OSBPL10: variants seen among roughly 807,000 people sequenced by gnomAD.
The protein encoded by OSBPL10 is oxysterol-binding protein-related protein 10.
Under a neutral mutation model 81.7 loss-of-function variants are expected in OSBPL10, and 49 were observed. That is an observed-to-expected ratio of 0.60 (90% CI 0.48 to 0.76). OSBPL10 has a LOEUF of 0.76. Among genes scored for constraint, OSBPL10 ranks in the 30% least tolerant of loss-of-function variants. The probability of loss-of-function intolerance (pLI) is 0.00; values close to 1 mark genes in which losing one functional copy is unlikely to be tolerated. For synonymous variants in OSBPL10, 419 were observed against 383.6 expected (o/e 1.09, Z -1.08); for missense variants, 923 against 987.8 (o/e 0.93, Z 0.88).
rs1409699948 is a variant in OSBPL10 at position 31,879,774 on chromosome 3, C to T, written c.338G>A (p.Ser113Asn). 5.0e-6 allele frequency: 8 copies of T among 1,614,200 alleles called. No individual in the cohort carries two copies. The highest frequency in any genetic ancestry group is 6.8e-6 in the Non-Finnish European group (8 of 1,180,042). ...GACTCCTCGAGGCTTCTGGTGTTTG[C>T]TTTGCTCATTCACAAAATACTGCAG... is the stretch of plus-strand genomic sequence containing the variant. ...GILQYFVNEQ[S>N]KHQKPRGVLS... is the part of the protein sequence containing the mutation. Residue 113 changes from serine (S) to asparagine (N), a missense_variant, in exon 2 of 12, where the codon AGC (serine) becomes AAC (asparagine). This residue lies in a region of OSBPL10 where 514 missense variants were observed against 508.0 expected (regional missense o/e 1.01). Transcript: ENST00000396556.
At chr3:32,074,115 G>A (rs919055423) in intron 1 of OSBPL10, among the ~76,000 whole-genome samples, 12 of 151,978 alleles carry the variant, frequency 7.9e-5, no homozygotes, top group African/African-American at 2.9e-4. Flanking sequence ...CAGGCCGACT[G>A]GGCTACCTCT....
chr3:31,689,646 C>G (rs549372163), intron 7 of OSBPL10, among the ~76,000 whole-genome samples: 1 of 152,240 alleles, frequency 6.6e-6, no homozygotes, highest in Non-Finnish European at 1.5e-5. Flanking sequence ...GTGGGTCTTT[C>G]TTGTGCTGTT....
At chr3:31,972,130 TGTAATCCCAG>T (rs1482072161) in intron 1 of OSBPL10, among the ~76,000 whole-genome samples, 4 of 152,258 alleles carry the variant, frequency 2.6e-5, no homozygotes, top group African/African-American at 9.6e-5. Context: ...GGCTCACGCC[TGTAATCCCAG>T]CACTTCGGGA....
chr3:31,869,840 A>G (rs1205548836), intron 3 of OSBPL10, among the ~76,000 whole-genome samples: 1 of 152,248 alleles, frequency 6.6e-6, no homozygotes, highest in African/African-American at 2.4e-5. Flanking sequence ...GAGTAACACA[A>G]TCATGGATGA....
intron 6 of OSBPL10, among the ~76,000 whole-genome samples, chr3:31,714,452 G>C (rs1696367445): frequency 1.3e-5 from 2 of 152,158 alleles, no homozygotes; most frequent in South Asian, 2.1e-4. Flanking sequence ...AAGCACGAGA[G>C]GCAGCGGGGT....
rs34795137 is a variant in OSBPL10 at position 31,809,869 on chromosome 3, C to CTTTTTTTTTTTTTTTTTTTTTTT, written c.729+20170_729+20171insAAAAAAAAAAAAAAAAAAAAAAA. Among the ~76,000 whole-genome samples, 43 of 98,614 alleles carry CTTTTTTTTTTTTTTTTTTTTTTT rather than the reference C, an allele frequency of 4.4e-4. 4 individuals carry two copies. The highest frequency in any genetic ancestry group is 2.2e-3 in the African/African-American group (41 of 18,420). The allele number at this position is 98,614 out of a possible 152,430, so 64.7% of individuals were successfully genotyped here. ...AAATGTCAATGGGTGCCCCCTGACT[C>CTTTTTTTTTTTTTTTTTTTTTTT]TTTTTTTTTTTTTTTTTTTGAGATG... On this transcript the variant is annotated intron_variant, in intron 4 of 11. Coordinates refer to ENST00000396556, the MANE Select transcript of OSBPL10 (RefSeq NM_017784.5).
chr3:31,959,839 TC>T (rs1698109884), intron 1 of OSBPL10, among the ~76,000 whole-genome samples: 1 of 152,158 alleles, frequency 6.6e-6, no homozygotes, highest in Non-Finnish European at 1.5e-5. Context: ...AGAATAATGC[TC>T]CATGAAAGAA....
At chr3:31,874,111 TC>T in intron 3 of OSBPL10, among the ~76,000 whole-genome samples, 1 of 144,222 alleles carries the variant, frequency 6.9e-6, no homozygotes. Context: ...ATCTTCAAAT[TC>T]TTTTTTTTTT....
chr3:31,809,165 C>G (rs77214452), intron 4 of OSBPL10, among the ~76,000 whole-genome samples: 2 of 152,094 alleles, frequency 1.3e-5, no homozygotes, highest in Non-Finnish European at 2.9e-5. Flanking sequence ...GATCAATATT[C>G]GCAACGGATG....
chr3:31,861,716 GACT>G (rs1027011243), intron 3 of OSBPL10, among the ~76,000 whole-genome samples: 5 of 152,134 alleles, frequency 3.3e-5, no homozygotes, highest in African/African-American at 1.2e-4. Context: ...GGTTAAAAGT[GACT>G]ACTATTTTAT....
intron 1 of OSBPL10, among the ~76,000 whole-genome samples, chr3:32,050,055 T>C (rs964570804): frequency 6.6e-6 from 1 of 152,204 alleles, no homozygotes; most frequent in Non-Finnish European, 1.5e-5. Flanking sequence ...GTGAATCTGG[T>C]GTAACAGCAG....
At chr3:31,728,751 A>T (rs2125655189) in intron 6 of OSBPL10, among the ~76,000 whole-genome samples, 1 of 152,284 alleles carries the variant, frequency 6.6e-6, no homozygotes, top group Non-Finnish European at 1.5e-5. Context: ...GACAGATTTG[A>T]TTATAAAGGG....
chr3:31,888,976 A>G (rs567090188), intron 1 of OSBPL10, among the ~76,000 whole-genome samples: 1 of 152,286 alleles, frequency 6.6e-6, no homozygotes, highest in Non-Finnish European at 1.5e-5. Flanking sequence ...ATCTGATTTT[A>G]AATTCATCAT....
At chr3:32,025,771 C>A (rs1699397934) in intron 2 of OSBPL10, among the ~76,000 whole-genome samples, 1 of 152,110 alleles carries the variant, frequency 6.6e-6, no homozygotes, top group African/African-American at 2.4e-5. Context: ...TCATAATATT[C>A]CCTTACAATT....
At chr3:31,727,646 C>G (rs978230049) in intron 6 of OSBPL10, among the ~76,000 whole-genome samples, 14 of 152,198 alleles carry the variant, frequency 9.2e-5, no homozygotes, top group African/African-American at 3.4e-4. Flanking sequence ...ACTCTTCAAA[C>G]TGTTGACCAC....
At chr3:31,965,606 A>G (rs539816716) in intron 1 of OSBPL10, among the ~76,000 whole-genome samples, 2 of 66,552 alleles carry the variant, frequency 3.0e-5, no homozygotes. Context: ...ATTATATAAT[A>G]TATTATATAA....
At chr3:32,043,250 G>A (rs544310029) in intron 2 of OSBPL10, among the ~76,000 whole-genome samples, 12 of 152,206 alleles carry the variant, frequency 7.9e-5, no homozygotes, top group South Asian at 4.1e-4. Context: ...CTACTTGCAC[G>A]TCCGTTTATA....
At chr3:31,990,122 A>G (rs1461787255) in intron 2 of OSBPL10, 6 of 1,611,590 alleles carry the variant, frequency 3.7e-6, no homozygotes, top group Non-Finnish European at 5.1e-6. Context: ...AAGGTTTGTG[A>G]AAAGGCTTTC....
Position 31,957,319 on chromosome 3 carries a change from T to TA in OSBPL10, c.281+23579dup, listed in dbSNP as rs1698037154. On this transcript the variant is annotated intron_variant, in intron 1 of 11. Coordinates refer to ENST00000396556, the MANE Select transcript of OSBPL10 (RefSeq NM_017784.5). ...CATTACCCACAACCTTTGACTCAGTTACGATAAATCCATCTCCCCTGAGCA... is the reference window on the plus strand; with the variant it reads ...CATTACCCACAACCTTTGACTCAGTTAACGATAAATCCATCTCCCCTGAGCA... Among the ~76,000 whole-genome samples, 21 of 152,190 alleles carry TA rather than the reference T, an allele frequency of 1.4e-4. 2 individuals carry two copies. The South Asian group carries it at 4.4e-3, about 32-fold the overall frequency.
Sources: gnomAD v4.1 joint callset for allele counts (sites outside exome capture counted in the v4.1 genomes callset) on GRCh38, gnomAD v4.1.1 for gene constraint, gnomAD v4.1.1 regional missense constraint, MANE v1.5 for transcripts, NCBI Gene and HGNC (gene_info 2026-07-23, HGNC 2026-07-21) for gene names.